Variants in SEMA6D observed in about 807,000 individuals in gnomAD.
SEMA6D encodes the protein semaphorin-6D.
A neutral mutation model predicts 106.6 loss-of-function variants in SEMA6D; 35 were observed. The ratio of observed to expected loss-of-function variants is 0.33; its 90% CI spans 0.25 to 0.44. SEMA6D has a LOEUF of 0.44. SEMA6D is among the 20% of genes least tolerant of loss of function. The pLI is 1.00. For missense variants in SEMA6D, 1,185 were observed against 1,345.9 expected (o/e 0.88, Z 1.87); for synonymous variants, 499 against 487.7 (o/e 1.02, Z -0.31).
At chr15:47,326,040 G>C (rs1287635448) in intron 1 of SEMA6D, among the ~76,000 whole-genome samples, 2 of 152,208 alleles carry the variant, frequency 1.3e-5, no homozygotes, top group African/African-American at 4.8e-5. Flanking sequence ...TTGAACATTA[G>C]GGGTCCGAAT....
chr15:47,328,747 C>T (rs985753234), intron 1 of SEMA6D, among the ~76,000 whole-genome samples: 1 of 152,220 alleles, frequency 6.6e-6, no homozygotes, highest in African/African-American at 2.4e-5. Context: ...AGCAAGCTCT[C>T]ACCAGCTTGC....
intron 3 of SEMA6D, among the ~76,000 whole-genome samples, chr15:47,564,140 CT>C (rs1401827712): frequency 1.3e-5 from 2 of 152,218 alleles, no homozygotes; most frequent in African/African-American, 4.8e-5. Flanking sequence ...GGTCTTGAGA[CT>C]GTGTACAATG....
At chr15:47,695,616 C>T (rs553644343) in intron 4 of SEMA6D, among the ~76,000 whole-genome samples, 18 of 152,136 alleles carry the variant, frequency 1.2e-4, no homozygotes, top group South Asian at 4.2e-4. Flanking sequence ...CTGATGTCTG[C>T]CCTTTGACTA....
At chr15:47,257,011 G>A (rs1595560982) in intron 1 of SEMA6D, among the ~76,000 whole-genome samples, 1 of 151,104 alleles carries the variant, frequency 6.6e-6, no homozygotes, top group Non-Finnish European at 1.5e-5. Context: ...TTGTTATACT[G>A]TCTTGACCTT....
At position 47,770,410 on chromosome 15, in the gene SEMA6D, G is replaced by C. The variant is rs771704766; in HGVS notation, c.1934-87G>C. ...AGCTAAGCATATGAACCATATGAAG[G>C]TCGTGTTGGCTCACTGAAAGCCATT... is the stretch of plus-strand genomic sequence containing the variant. On this transcript the variant is annotated intron_variant, in intron 18 of 18. Coordinates refer to ENST00000536845, the MANE Select transcript of SEMA6D (RefSeq NM_001358351.3). The C allele has an allele frequency of 2.6e-4, 286 of 1,109,352 alleles. 1 individual carries two copies. The highest frequency in any genetic ancestry group is 3.5e-4 in the Non-Finnish European group (267 of 768,400). 68.7% of individuals were successfully genotyped at this position (1,109,352 alleles called of 1,614,324 possible).
At chr15:47,233,465 G>A (rs189500650) in intron 1 of SEMA6D, among the ~76,000 whole-genome samples, 3 of 151,864 alleles carry the variant, frequency 2.0e-5, no homozygotes, top group Non-Finnish European at 2.9e-5. Flanking sequence ...GCCAATTTAC[G>A]CAAAACAGCA....
chr15:47,210,611 A>T (rs1425279219), intron 1 of SEMA6D, among the ~76,000 whole-genome samples: 2 of 151,974 alleles, frequency 1.3e-5, no homozygotes, highest in Non-Finnish European at 1.5e-5. Context: ...CTAAAAATAC[A>T]AAAATCCGTG....
intron 4 of SEMA6D, among the ~76,000 whole-genome samples, chr15:47,602,358 A>T (rs1393682526): frequency 1.3e-5 from 2 of 152,206 alleles, no homozygotes; most frequent in African/African-American, 2.4e-5. Flanking sequence ...ATTAAACAGG[A>T]TAACTAACTC....
intron 1 of SEMA6D, among the ~76,000 whole-genome samples, chr15:47,290,162 A>C (rs1424586268): frequency 6.6e-6 from 1 of 152,240 alleles, no homozygotes; most frequent in Non-Finnish European, 1.5e-5. Flanking sequence ...AGGCCTATAC[A>C]TAAGAGAAAT....
intron 4 of SEMA6D, among the ~76,000 whole-genome samples, chr15:47,665,980 T>G (rs2078019094): frequency 6.6e-6 from 1 of 152,144 alleles, no homozygotes; most frequent in South Asian, 2.1e-4. Context: ...AGTTCCAGGT[T>G]TTTTCTGTTG....
chr15:47,304,256 C>A (rs1398880544), intron 1 of SEMA6D, among the ~76,000 whole-genome samples: 1 of 151,634 alleles, frequency 6.6e-6, no homozygotes, highest in Non-Finnish European at 1.5e-5. Context: ...CCAGCCTGGC[C>A]AACATAGTGA....
chr15:47,370,117 C>A (rs1364516633), intron 1 of SEMA6D, among the ~76,000 whole-genome samples: 1 of 152,202 alleles, frequency 6.6e-6, no homozygotes, highest in Non-Finnish European at 1.5e-5. Context: ...CTCAAGGTTT[C>A]AGTCCTTCAC....
At chr15:47,735,712 G>C (rs993301381) in intron 1 of SEMA6D, among the ~76,000 whole-genome samples, 2 of 152,080 alleles carry the variant, frequency 1.3e-5, no homozygotes, top group Non-Finnish European at 2.9e-5. Flanking sequence ...CCGCCTAAAC[G>C]TTTGCATCAT....
chr15:47,494,044 G>C (rs1416945925), intron 3 of SEMA6D, among the ~76,000 whole-genome samples: 1 of 152,126 alleles, frequency 6.6e-6, no homozygotes, highest in Non-Finnish European at 1.5e-5. Flanking sequence ...TTTCTTCAAA[G>C]TCGGTTCCAT....
At chr15:47,462,897 A>T (rs1008568122) in intron 2 of SEMA6D, among the ~76,000 whole-genome samples, 1 of 152,132 alleles carries the variant, frequency 6.6e-6, no homozygotes, top group Non-Finnish European at 1.5e-5. Flanking sequence ...TGTTTGTCCT[A>T]GTCTGGCTTA....
intron 2 of SEMA6D, among the ~76,000 whole-genome samples, chr15:47,415,536 CCT>C (rs1332392588): frequency 6.6e-6 from 1 of 152,136 alleles, no homozygotes; most frequent in Non-Finnish European, 1.5e-5. Context: ...TCTCCTTTCT[CCT>C]CTCCTTCACA....
intron 1 of SEMA6D, among the ~76,000 whole-genome samples, chr15:47,255,492 C>A (rs568019987): frequency 6.6e-6 from 1 of 151,470 alleles, no homozygotes; most frequent in Non-Finnish European, 1.5e-5. Context: ...TTAGCTTGTT[C>A]GTGTTTTTCC....
intron 1 of SEMA6D, among the ~76,000 whole-genome samples, chr15:47,394,900 C>A (rs2040160359): frequency 6.6e-6 from 1 of 150,468 alleles, no homozygotes; most frequent in African/African-American, 2.4e-5. Context: ...CCTATGATGC[C>A]TTTTTTTTTA....
chr15:47,216,374 G>A (rs927330898), intron 1 of SEMA6D, among the ~76,000 whole-genome samples: 1 of 152,078 alleles, frequency 6.6e-6, no homozygotes, highest in Non-Finnish European at 1.5e-5. Flanking sequence ...ATAATACTTG[G>A]TAGTATATTT....
Sources: allele counts gnomAD v4.1 joint callset (sites outside exome capture counted in the v4.1 genomes callset), GRCh38; gene constraint gnomAD v4.1.1; transcripts MANE v1.5; gene names NCBI Gene and HGNC (gene_info 2026-07-23, HGNC 2026-07-21).